Variants in CEP112 observed in about 807,000 individuals in gnomAD.
The protein encoded by CEP112 is centrosomal protein of 112 kDa.
CEP112 carries 127 observed loss-of-function variants against 153.0 expected under a neutral mutation model. That is an observed-to-expected ratio of 0.83 (90% CI 0.72 to 0.96). CEP112 has a LOEUF of 0.96. CEP112 is among the 40% of genes least tolerant of loss of function. The pLI, the probability that CEP112 is intolerant of heterozygous loss-of-function variation, is 0.00. For missense variants in CEP112, 1,089 were observed against 1,101.2 expected (o/e 0.99, Z 0.16); for synonymous variants, 358 against 374.4 (o/e 0.96, Z 0.51).
chr17:65,981,966 G>C (rs1267125032), intron 17 of CEP112, among the ~76,000 whole-genome samples: 1 of 152,094 alleles, frequency 6.6e-6, no homozygotes, highest in Non-Finnish European at 1.5e-5. Context: ...TACTGACATA[G>C]TAAAAATGGC....
At chr17:65,777,498 T>C (rs951831844) in intron 21 of CEP112, among the ~76,000 whole-genome samples, 1 of 152,100 alleles carries the variant, frequency 6.6e-6, no homozygotes, top group Non-Finnish European at 1.5e-5. Context: ...ATCTCAACAG[T>C]TCTAAGTACT....
intron 20 of CEP112, among the ~76,000 whole-genome samples, chr17:65,862,251 G>T (rs1411591224): frequency 1.3e-5 from 2 of 152,142 alleles, no homozygotes; most frequent in Non-Finnish European, 2.9e-5. Context: ...TTAGGAATAT[G>T]GGAAAGGAAG....
chr17:65,794,221 T>G (rs2054770155), intron 21 of CEP112, among the ~76,000 whole-genome samples: 1 of 152,216 alleles, frequency 6.6e-6, no homozygotes, highest in Non-Finnish European at 1.5e-5. Flanking sequence ...ATATTCTTAA[T>G]AATCATTTTC....
At chr17:65,954,795 C>G (rs1227441864) in intron 18 of CEP112, among the ~76,000 whole-genome samples, 1 of 152,012 alleles carries the variant, frequency 6.6e-6, no homozygotes, top group East Asian at 1.9e-4. Flanking sequence ...TTCAAATTAA[C>G]CCAATCCATC....
intron 23 of CEP112, among the ~76,000 whole-genome samples, chr17:65,728,018 G>T (rs746646875): frequency 2.0e-5 from 3 of 152,180 alleles, no homozygotes; most frequent in Non-Finnish European, 4.4e-5. Flanking sequence ...CATTTACCTT[G>T]GTTTTGTCAA....
At chr17:66,116,854 TC>T (rs2069318376) in intron 6 of CEP112, among the ~76,000 whole-genome samples, 1 of 147,320 alleles carries the variant, frequency 6.8e-6, no homozygotes, top group Non-Finnish European at 1.5e-5. Context: ...TGGTAATTTC[TC>T]CAATCTCCTT....
At chr17:65,731,821 C>G (rs1026441528) in intron 23 of CEP112, among the ~76,000 whole-genome samples, 3 of 152,234 alleles carry the variant, frequency 2.0e-5, no homozygotes, top group African/African-American at 7.2e-5. Flanking sequence ...AGCAACTCTT[C>G]ATTCAAGTTT....
intron 21 of CEP112, among the ~76,000 whole-genome samples, chr17:65,775,440 A>G (rs2053622471): frequency 6.6e-6 from 1 of 152,202 alleles, no homozygotes; most frequent in African/African-American, 2.4e-5. Flanking sequence ...TTTGCATTAT[A>G]TCATAAACAT....
At chr17:65,660,455 TCTCTC>T (rs2046321346) in intron 24 of CEP112, among the ~76,000 whole-genome samples, 1 of 78,190 alleles carries the variant, frequency 1.3e-5, no homozygotes, top group African/African-American at 5.4e-5. Flanking sequence ...CTCTCTCTTC[TCTCTC>T]TCCTTCCTTC....
intron 23 of CEP112, among the ~76,000 whole-genome samples, chr17:65,698,963 C>T (rs1007069374): frequency 3.3e-5 from 5 of 152,122 alleles, no homozygotes; most frequent in African/African-American, 7.2e-5. Flanking sequence ...TCACACATGC[C>T]GTCCCCTGAA....
intron 21 of CEP112, among the ~76,000 whole-genome samples, chr17:65,808,569 G>T (rs574305818): frequency 5.8e-4 from 89 of 152,248 alleles, no homozygotes; most frequent in Non-Finnish European, 1.1e-3. Flanking sequence ...TGAATCATGG[G>T]GGTGGACTTC....
intron 21 of CEP112, among the ~76,000 whole-genome samples, chr17:65,771,650 G>T (rs978311739): frequency 6.6e-6 from 1 of 152,042 alleles, no homozygotes; most frequent in Non-Finnish European, 1.5e-5. Context: ...AATTAAATTA[G>T]AAATCCATAA....
At chr17:65,698,206 T>C (rs906332781) in intron 23 of CEP112, among the ~76,000 whole-genome samples, 3 of 152,230 alleles carry the variant, frequency 2.0e-5, no homozygotes, top group African/African-American at 7.2e-5. Context: ...GAAAACTTTT[T>C]AGTTGTTGCT....
intron 6 of CEP112, among the ~76,000 whole-genome samples, chr17:66,128,051 A>T (rs147450912): frequency 1.9e-3 from 286 of 152,246 alleles, no homozygotes; most frequent in African/African-American, 6.7e-3. Context: ...TTGTAATCCC[A>T]GCACTCTGGG....
intron 18 of CEP112, among the ~76,000 whole-genome samples, chr17:65,945,620 C>A (rs2061626953): frequency 6.6e-6 from 1 of 151,942 alleles, no homozygotes; most frequent in Admixed American, 6.6e-5. Context: ...TTTGCATTCC[C>A]CTGATGACTA....
chr17:65,635,991 G>T lies in CEP112; in HGVS notation c.2865-17C>A. The T allele has an allele frequency of 1.9e-6, 3 of 1,597,072 alleles. No individual in the cohort carries two copies. The highest frequency in any genetic ancestry group is 2.6e-6 in the Non-Finnish European group (3 of 1,169,956). On this transcript the variant is annotated splice_polypyrimidine_tract_variant and intron_variant, in intron 26 of 26. Transcript: ENST00000535342. The stretch of plus-strand genomic sequence containing the variant: ...TGCAGTTACCTGTAAACCAAAAATC[G>T]CAGTCACGACTTTCTCTAGGTTTAA...
chr17:65,935,792 T>TA (rs1424873451), intron 18 of CEP112, among the ~76,000 whole-genome samples: 6 of 151,670 alleles, frequency 4.0e-5, no homozygotes, highest in Non-Finnish European at 8.8e-5. Context: ...GGCATTTTTT[T>TA]AAAAAAAGAA....
chr17:65,655,638 T>C (rs1363597304), intron 24 of CEP112, among the ~76,000 whole-genome samples: 1 of 152,230 alleles, frequency 6.6e-6, no homozygotes, highest in Non-Finnish European at 1.5e-5. Context: ...AGCTTTTCTT[T>C]TGTTATATAA....
intron 20 of CEP112, among the ~76,000 whole-genome samples, chr17:65,870,073 G>GAAAGAAAGAAAGA (rs2058616767): frequency 1.4e-5 from 2 of 145,238 alleles, no homozygotes; most frequent in Non-Finnish European, 3.0e-5. Flanking sequence ...AAGAAAGAAA[G>GAAAGAAAGAAAGA]AAAGAAAGAA....
Sources: gnomAD v4.1 joint callset for allele counts (sites outside exome capture counted in the v4.1 genomes callset) on GRCh38, gnomAD v4.1.1 for gene constraint, MANE v1.5 for transcripts, NCBI Gene and HGNC (gene_info 2026-07-23, HGNC 2026-07-21) for gene names.